Variants in EPHA4 observed in about 807,000 individuals in gnomAD.
EPHA4 encodes the protein ephrin type-A receptor 4.
A neutral mutation model predicts 108.3 loss-of-function variants in EPHA4; 19 were observed. The observed-to-expected ratio is 0.18, with a 90% CI of 0.12 to 0.26. The LOEUF is 0.26. Ranked by LOEUF, EPHA4 falls within the 10% of genes least tolerant of loss-of-function variation. The pLI, the probability that EPHA4 is intolerant of heterozygous loss-of-function variation, is 1.00. For synonymous variants in EPHA4, 449 were observed against 455.5 expected (o/e 0.99, Z 0.18); for missense variants, 917 against 1,254.0 (o/e 0.73, Z 4.06).
At chr2:221,530,197 G>A (rs1375389243) in intron 3 of EPHA4, among the ~76,000 whole-genome samples, 2 of 151,090 alleles carry the variant, frequency 1.3e-5, no homozygotes, top group Non-Finnish European at 2.9e-5. Flanking sequence ...AAAAAATTGG[G>A]ACAAAGCCCA....
intron 14 of EPHA4, among the ~76,000 whole-genome samples, chr2:221,433,344 T>C (rs1271558226): frequency 2.0e-5 from 3 of 152,206 alleles, no homozygotes; most frequent in Admixed American, 6.5e-5. Context: ...TCTCTGATAA[T>C]GGACTACCAC....
intron 3 of EPHA4, among the ~76,000 whole-genome samples, chr2:221,544,109 T>C (rs1693914743): frequency 6.6e-6 from 1 of 152,178 alleles, no homozygotes; most frequent in South Asian, 2.1e-4. Context: ...TCTCATGACC[T>C]AAACGCCAAC....
In EPHA4 at chr2:221,572,287, C is replaced by G. The variant is rs766275406; in HGVS notation, c.-39G>C. On this transcript the variant is annotated 5_prime_UTR_variant, in exon 1 of 18. Coordinates refer to ENST00000281821, the MANE Select transcript of EPHA4 (RefSeq NM_004438.5). ...CAACGCTGCTCCTGCCGCTTCTATCCCAGTGGAATAAATGCTTAAGTTAGG... is the reference window on the plus strand; with the variant it reads ...CAACGCTGCTCCTGCCGCTTCTATCGCAGTGGAATAAATGCTTAAGTTAGG... The G allele has an allele frequency of 7.1e-6, 11 of 1,547,524 alleles. No homozygotes were observed. The African/African-American group carries it at 1.5e-4, about 21-fold the overall frequency.
At chr2:221,477,407 C>T (rs1691688742) in intron 5 of EPHA4, among the ~76,000 whole-genome samples, 1 of 152,178 alleles carries the variant, frequency 6.6e-6, no homozygotes, top group African/African-American at 2.4e-5. Flanking sequence ...AGCCTTAGCC[C>T]TATGGACATT....
chr2:221,505,334 ATTTT>A (rs964634615), intron 3 of EPHA4, among the ~76,000 whole-genome samples: 17 of 151,918 alleles, frequency 1.1e-4, no homozygotes, highest in African/African-American at 2.4e-4. Flanking sequence ...TTATTTATTT[ATTTT>A]TTTGAGACAA....
chr2:221,532,180 T>A (rs1813498), intron 3 of EPHA4, among the ~76,000 whole-genome samples: 1 of 151,182 alleles, frequency 6.6e-6, no homozygotes, highest in African/African-American at 2.4e-5. Flanking sequence ...TGGAGTGCAG[T>A]GGCATGATCT....
chr2:221,497,630 C>T (rs1692337892), intron 4 of EPHA4, among the ~76,000 whole-genome samples: 3 of 151,344 alleles, frequency 2.0e-5, no homozygotes, highest in African/African-American at 7.3e-5. Flanking sequence ...CCCAGCTACT[C>T]GGGAGGCTGA....
intron 3 of EPHA4, among the ~76,000 whole-genome samples, chr2:221,548,391 T>C (rs1395000234): frequency 6.6e-6 from 1 of 151,600 alleles, no homozygotes; most frequent in East Asian, 1.9e-4. Flanking sequence ...TGGGACGTTG[T>C]CCTTCTCTCT....
rs763497552 is a variant in EPHA4, at chr2:221,501,067, T to C, written c.929A>G (p.Asp310Gly). The change falls in exon 4 of 18, where the codon GAC (aspartate) becomes GGC (glycine). Residue 310 changes from aspartate (D) to glycine (G), a missense_variant. Coordinates refer to ENST00000281821, the MANE Select transcript of EPHA4 (RefSeq NM_004438.5). Reference protein sequence around the residue: ...VWEGATSCTCDRGFFRADNDA... With the variant: ...VWEGATSCTCGRGFFRADNDA... ...GTTGTCAGCTCTGAAAAAGCCTCGG[T>C]CACAGGTGCACGAGGTGGCTCCTTC... 4.3e-6 allele frequency: 7 copies of C among 1,613,290 alleles called. No homozygotes were observed. Among genetic ancestry groups the C allele is most frequent in the Non-Finnish European group, 5.9e-6 (7 of 1,179,588 alleles).
Position 221,426,049 on chromosome 2 carries a change from G to C in EPHA4, c.2940C>G (p.His980Gln), listed in dbSNP as rs373468133. Residue 980 changes from histidine (H) to glutamine (Q), a missense_variant, in exon 17 of 18, where the codon CAC becomes CAG. By Grantham distance (24) the His-to-Gln change is conservative. This residue lies in a region of EPHA4 where 26 missense variants were observed against 44.4 expected (regional missense o/e 0.59). Coordinates refer to ENST00000281821, the MANE Select transcript of EPHA4 (RefSeq NM_004438.5). ...QAMRTQMQQM[H>Q]GRMVPV ...TGGCTCAGACGGGAACCATTCTGCC[G>C]TGCATCTGCTGCATTTGGGTTCGCA... 3.1e-6 allele frequency: 5 copies of C among 1,613,900 alleles called. No homozygotes were observed. The African/African-American group carries it at 4.0e-5, about 13-fold the overall frequency.
intron 1 of EPHA4, 58 bp downstream of exon 1, chr2:221,572,100 C>T (rs544199282): frequency 2.7e-6 from 4 of 1,455,564 alleles, no homozygotes; most frequent in Admixed American, 3.4e-5. Context: ...CCTGAGGACC[C>T]CTCACCCGCG....
chr2:221,446,837 A>T (rs1690608475), intron 8 of EPHA4, among the ~76,000 whole-genome samples: 1 of 152,190 alleles, frequency 6.6e-6, no homozygotes, highest in African/African-American at 2.4e-5. Flanking sequence ...TTGTAAAAAA[A>T]TGAGCAAGGG....
chr2:221,570,360 A>G (rs1203262605), intron 1 of EPHA4, among the ~76,000 whole-genome samples: 1 of 151,904 alleles, frequency 6.6e-6, no homozygotes, highest in African/African-American at 2.4e-5. Flanking sequence ...AAGAAAGAAA[A>G]CAGTCTCTAC....
At chr2:221,562,682 G>A (rs1694505810) in intron 3 of EPHA4, among the ~76,000 whole-genome samples, 1 of 152,198 alleles carries the variant, frequency 6.6e-6, no homozygotes, top group African/African-American at 2.4e-5. Context: ...GGCAGCCGCA[G>A]ACTGTTGATA....
intron 3 of EPHA4, among the ~76,000 whole-genome samples, chr2:221,525,034 T>G (rs1693279313): frequency 1.9e-5 from 2 of 105,870 alleles, no homozygotes; most frequent in South Asian, 5.1e-4. Flanking sequence ...ATATGTAATT[T>G]TATAGCCTTT....
chr2:221,566,788 GAGA>G (rs1559296922), intron 2 of EPHA4, among the ~76,000 whole-genome samples: 1 of 144,834 alleles, frequency 6.9e-6, no homozygotes, highest in African/African-American at 2.6e-5. Flanking sequence ...GAAGAAGAAG[GAGA>G]AGAAGAAGAG....
chr2:221,462,024 A>T (rs1691161121), intron 5 of EPHA4, among the ~76,000 whole-genome samples: 3 of 149,498 alleles, frequency 2.0e-5, no homozygotes, highest in African/African-American at 7.4e-5. Context: ...CAAGAAAGAG[A>T]TGCATCATAG....
intron 4 of EPHA4, among the ~76,000 whole-genome samples, chr2:221,499,840 C>T (rs1341980199): frequency 2.1e-5 from 3 of 144,758 alleles, no homozygotes; most frequent in Non-Finnish European, 4.5e-5. Context: ...TCTCTGCAAC[C>T]TCTGCCTCCT....
chr2:221,527,060 C>T (rs1168978729), intron 3 of EPHA4, among the ~76,000 whole-genome samples: 1 of 150,518 alleles, frequency 6.6e-6, no homozygotes, highest in African/African-American at 2.4e-5. Context: ...CCGGGCGGAG[C>T]TTGCAGTGAG....
Sources: allele counts gnomAD v4.1 joint callset (sites outside exome capture counted in the v4.1 genomes callset), GRCh38; gene constraint gnomAD v4.1.1; regional missense constraint gnomAD v4.1.1; transcripts MANE v1.5; gene names NCBI Gene and HGNC (gene_info 2026-07-23, HGNC 2026-07-21).